PPP1R13B: variants seen among roughly 807,000 people sequenced by gnomAD.
PPP1R13B encodes the protein protein phosphatase 1 regulatory subunit 13B.
PPP1R13B carries 44 observed loss-of-function variants against 119.8 expected under a neutral mutation model. The ratio of observed to expected loss-of-function variants is 0.37; its 90% CI spans 0.29 to 0.47. PPP1R13B has a LOEUF of 0.47. PPP1R13B is among the 20% of genes least tolerant of loss of function. The probability of loss-of-function intolerance (pLI) is 0.99; values close to 1 mark genes in which losing one functional copy is unlikely to be tolerated. For synonymous variants in PPP1R13B, 542 were observed against 561.5 expected (o/e 0.97, Z 0.49); for missense variants, 1,227 against 1,413.5 (o/e 0.87, Z 2.12).
At chr14:103,833,363 G>T (rs568189129) in intron 1 of PPP1R13B, among the ~76,000 whole-genome samples, 2 of 152,124 alleles carry the variant, frequency 1.3e-5, no homozygotes, top group East Asian at 3.9e-4. Context: ...TTTCTACCTG[G>T]CCAGGCGTGG....
chr14:103,736,631 C>T, intron 15 of PPP1R13B: 1 of 168,706 alleles, frequency 5.9e-6, no homozygotes. Flanking sequence ...AAGGGCCCTT[C>T]TGTGGGACAC....
intron 2 of PPP1R13B, among the ~76,000 whole-genome samples, chr14:103,795,059 TC>T (rs1314422341): frequency 1.3e-5 from 2 of 152,202 alleles, no homozygotes; most frequent in African/African-American, 4.8e-5. Context: ...TTCTCCTGCC[TC>T]CCAAGAAGCT....
chr14:103,750,518 C>T (rs1001008929), intron 7 of PPP1R13B, among the ~76,000 whole-genome samples: 27 of 152,326 alleles, frequency 1.8e-4, no homozygotes, highest in East Asian at 1.9e-4. Context: ...CTCAACAGGA[C>T]GTAAAATGTA....
rs2084013190 is a variant in PPP1R13B, at chr14:103,733,770, A to G, written c.*1384T>C. ...ACAGCCGCCGGGGTGAGACGGGTTT[A>G]TTGTGCACATTTACACAGCGTCAGC... On this transcript the variant is annotated 3_prime_UTR_variant, in exon 17 of 17. Transcript: ENST00000202556. 1 of 152,316 alleles carries G rather than the reference A, an allele frequency of 6.6e-6. No individual in the cohort carries two copies. Among genetic ancestry groups the G allele is most frequent in the Non-Finnish European group, 1.5e-5 (1 of 68,082 alleles). The allele number at this position is 152,316 out of a possible 1,614,324, so 9.4% of individuals were successfully genotyped here.
In PPP1R13B at chr14:103,740,051, A is replaced by T; in HGVS notation, c.2365T>A (p.Ser789Thr). Reference sequence around the variant, plus strand: ...GGTAACTCATTATCATTGGCATCTGATGACGGGGCAGGCTCAGCGGGGAGT... The same window carrying T: ...GGTAACTCATTATCATTGGCATCTGTTGACGGGGCAGGCTCAGCGGGGAGT... ...APLPAEPAPSSDANDNELPSP... is the reference protein window; with the variant it reads ...APLPAEPAPSTDANDNELPSP... Residue 789 changes from serine (S) to threonine (T), a missense_variant, in exon 12 of 17, where the codon TCA (serine) becomes ACA (threonine). By Grantham distance (58) the Ser-to-Thr change is moderately conservative. Coordinates refer to ENST00000202556, the MANE Select transcript of PPP1R13B (RefSeq NM_015316.3). This position sits in a 1 kb window ranked among gnomAD's most constrained non-coding sequence, Gnocchi z 4.6. The T allele has an allele frequency of 6.2e-7, 1 of 1,613,904 alleles. No individual in the cohort carries two copies. The highest frequency in any genetic ancestry group is 1.1e-5 in the South Asian group (1 of 91,078).
At chr14:103,776,733 G>T (rs981816161) in intron 4 of PPP1R13B, among the ~76,000 whole-genome samples, 1 of 151,914 alleles carries the variant, frequency 6.6e-6, no homozygotes, top group Non-Finnish European at 1.5e-5. Flanking sequence ...TTAGCCGGGC[G>T]TGGCGGTGTG....
intron 1 of PPP1R13B, among the ~76,000 whole-genome samples, chr14:103,807,849 GTT>G (rs1216017904): frequency 6.6e-6 from 1 of 152,022 alleles, no homozygotes; most frequent in East Asian, 1.9e-4. Flanking sequence ...GTGTTTGCCT[GTT>G]TTCTCATCTT....
At chr14:103,848,679 C>A (rs140482655), upstream of PPP1R13B, among the ~76,000 whole-genome samples, 1,261 of 152,342 alleles carry the variant, frequency 8.3e-3, 14 homozygotes, top group Non-Finnish European at 9.4e-3. Flanking sequence ...TGGAGCCTGT[C>A]TGGTTCTCGG....
chr14:103,822,032 T>G (rs184747567), intron 1 of PPP1R13B, among the ~76,000 whole-genome samples: 18 of 152,242 alleles, frequency 1.2e-4, no homozygotes, highest in Admixed American at 9.8e-4. Context: ...ACCAAGACCT[T>G]CCCATGCACA....
chr14:103,772,084 T>C lies in PPP1R13B; in HGVS notation c.354+6661A>G, dbSNP rs150239302. Among the ~76,000 whole-genome samples the C allele has an allele frequency of 3.3e-3, 508 of 152,340 alleles. 5 individuals carry two copies. The highest frequency in any genetic ancestry group is 0.012 in the African/African-American group (491 of 41,580). On this transcript the variant is annotated intron_variant, in intron 4 of 16. Coordinates refer to ENST00000202556, the MANE Select transcript of PPP1R13B (RefSeq NM_015316.3). ...CTAGAATTGTATATGAATGAAACCA[T>C]AACAGTATTCAGTATGTAATCCTTT...
At chr14:103,843,357 G>C (rs2086952456) in intron 1 of PPP1R13B, among the ~76,000 whole-genome samples, 1 of 151,932 alleles carries the variant, frequency 6.6e-6, no homozygotes, top group Non-Finnish European at 1.5e-5. Flanking sequence ...CTGGGTGACA[G>C]AGCGAGACTC....
chr14:103,764,672 A>G (rs1396794174), intron 4 of PPP1R13B, among the ~76,000 whole-genome samples: 2 of 151,790 alleles, frequency 1.3e-5, no homozygotes, highest in African/African-American at 4.8e-5. Flanking sequence ...ATTTCTTTTG[A>G]GCTTTTAATT....
chr14:103,752,986 G>T lies in PPP1R13B; in HGVS notation c.828+14C>A. On this transcript the variant is annotated intron_variant, in intron 7 of 16. Coordinates refer to ENST00000202556, the MANE Select transcript of PPP1R13B (RefSeq NM_015316.3). The stretch of plus-strand genomic sequence containing the variant: ...GAATGTTTTAATACAACCATTGCCA[G>T]ACCCAGGAGTTACCTGTAGTTCTTG... 6.2e-7 allele frequency: 1 copy of T among 1,609,844 alleles called. No individual in the cohort carries two copies. The highest frequency in any genetic ancestry group is 8.5e-7 in the Non-Finnish European group (1 of 1,177,492).
intron 12 of PPP1R13B, 143 bp from the exon 13 acceptor site, chr14:103,739,166 G>A (rs923971090): frequency 1.7e-5 from 20 of 1,163,130 alleles, no homozygotes; most frequent in African/African-American, 7.7e-5. Flanking sequence ...CAGTAGCAGC[G>A]CCCAGGTGAC....
At chr14:103,789,023 T>C (rs2085541937) in intron 2 of PPP1R13B, among the ~76,000 whole-genome samples, 1 of 152,104 alleles carries the variant, frequency 6.6e-6, no homozygotes, top group South Asian at 2.1e-4. Context: ...AGAAACATCT[T>C]CCCCAACACC....
intron 8 of PPP1R13B, among the ~76,000 whole-genome samples, chr14:103,748,281 T>C (rs2084445099): frequency 6.6e-6 from 1 of 152,172 alleles, no homozygotes; most frequent in Non-Finnish European, 1.5e-5. Context: ...AATCATAAAG[T>C]TGTACAAATA....
chr14:103,778,920 G>T, intron 3 of PPP1R13B, 99 bp from the exon 4 acceptor site: 1 of 913,738 alleles, frequency 1.1e-6, no homozygotes, highest in Non-Finnish European at 1.7e-6. Context: ...GAACACAAGT[G>T]TAAAATACCA....
At position 103,741,812 on chromosome 14, in the gene PPP1R13B, G is replaced by A. The variant is rs1222711268; in HGVS notation, c.1800C>T (p.Ala600=). ...PKNYQPAAHS[A]LNKSVKAVYG... is the part of the protein sequence containing the mutation. Reference sequence around the variant, plus strand: ...TACCTGCTTTAACTGACTTATTTAAGGCGCTGTGTGCTGCCGGCTGGTAAT... The same window carrying A: ...TACCTGCTTTAACTGACTTATTTAAAGCGCTGTGTGCTGCCGGCTGGTAAT... Residue 600 remains alanine (A), a synonymous_variant, in exon 11 of 17, where the codon GCC becomes GCT. Transcript: ENST00000202556. 1 of 1,614,002 alleles carries A rather than the reference G, an allele frequency of 6.2e-7. No individual in the cohort carries two copies. Among genetic ancestry groups the A allele is most frequent in the East Asian group, 2.2e-5 (1 of 44,900 alleles).
At chr14:103,751,181 A>C (rs2084536127) in intron 7 of PPP1R13B, among the ~76,000 whole-genome samples, 1 of 152,174 alleles carries the variant, frequency 6.6e-6, no homozygotes, top group African/African-American at 2.4e-5. Context: ...AAAAACAAAC[A>C]AACAAAAACC....
Sources: gnomAD v4.1 joint callset for allele counts (sites outside exome capture counted in the v4.1 genomes callset) on GRCh38, gnomAD v4.1.1 for gene constraint, Gnocchi (gnomAD v3.1) non-coding constraint, MANE v1.5 for transcripts, NCBI Gene and HGNC (gene_info 2026-07-23, HGNC 2026-07-21) for gene names.